ELMO1: variants seen among roughly 807,000 people sequenced by gnomAD.
ELMO1 encodes the protein engulfment and cell motility protein 1.
Under a neutral mutation model 98.9 loss-of-function variants are expected in ELMO1, and 26 were observed. The observed-to-expected ratio is 0.26, with a 90% CI of 0.19 to 0.36. ELMO1 has a LOEUF of 0.36. Among genes scored for constraint, ELMO1 ranks in the 10% least tolerant of loss-of-function variants. ELMO1 has a pLI of 1.00. For missense variants in ELMO1, 627 were observed against 935.2 expected (o/e 0.67, Z 4.30); for synonymous variants, 346 against 346.0 (o/e 1.00, Z 0.00).
At chr7:37,093,477 A>G (rs1010857112) in intron 15 of ELMO1, among the ~76,000 whole-genome samples, 1 of 152,240 alleles carries the variant, frequency 6.6e-6, no homozygotes, top group African/African-American at 2.4e-5. Context: ...TATTAACACA[A>G]ATCTGAGAAG....
intron 1 of ELMO1, among the ~76,000 whole-genome samples, chr7:37,352,128 C>A (rs1801299196): frequency 6.6e-6 from 1 of 152,126 alleles, no homozygotes; most frequent in South Asian, 2.1e-4. Context: ...GAATAAGGTA[C>A]CATTACTAGC....
intron 1 of ELMO1, among the ~76,000 whole-genome samples, chr7:37,400,549 AT>A (rs1279044830): frequency 3.3e-5 from 5 of 152,192 alleles, no homozygotes; most frequent in African/African-American, 1.2e-4. Flanking sequence ...ACCCAAATTA[AT>A]ACTATATCGT....
intron 5 of ELMO1, among the ~76,000 whole-genome samples, chr7:37,269,262 G>GTGAT (rs1163091628): frequency 6.6e-6 from 1 of 152,088 alleles, no homozygotes; most frequent in Non-Finnish European, 1.5e-5. Flanking sequence ...AAACCACAAG[G>GTGAT]TGATTGCTTA....
intron 16 of ELMO1, among the ~76,000 whole-genome samples, chr7:37,010,566 A>G (rs1379477896): frequency 6.6e-6 from 1 of 152,216 alleles, no homozygotes; most frequent in Non-Finnish European, 1.5e-5. Flanking sequence ...TTGAAGATGG[A>G]CAAGAAGGAC....
intron 15 of ELMO1, among the ~76,000 whole-genome samples, chr7:37,015,840 T>C (rs1439661933): frequency 6.6e-6 from 1 of 152,218 alleles, no homozygotes; most frequent in Non-Finnish European, 1.5e-5. Context: ...CCTGTTCACA[T>C]TTCAACAGTT....
At chr7:37,349,633 T>C (rs916760030) in intron 1 of ELMO1, among the ~76,000 whole-genome samples, 1 of 152,160 alleles carries the variant, frequency 6.6e-6, no homozygotes, top group African/African-American at 2.4e-5. Flanking sequence ...TTTGTATTTT[T>C]AGTAGAGATG....
chr7:37,121,934 C>T (rs1239742266), intron 14 of ELMO1, among the ~76,000 whole-genome samples: 1 of 152,232 alleles, frequency 6.6e-6, no homozygotes, highest in Non-Finnish European at 1.5e-5. Flanking sequence ...AACAGCTGAT[C>T]TCTCGGCAGA....
chr7:36,943,082 C>T lies in ELMO1; in HGVS notation c.1438-48065G>A, dbSNP rs1462898078. 2.0e-5 allele frequency among the ~76,000 whole-genome samples: 3 copies of T among 152,192 alleles called. No homozygotes were observed. The East Asian group carries it at 5.8e-4, about 29-fold the overall frequency. ...GAACCTGGGTCCTACCTCAGAGGTG[C>T]TCATGGTGAGGGCTACTGCCTCATT... is the stretch of plus-strand genomic sequence containing the variant. On this transcript the variant is annotated intron_variant, in intron 16 of 21. Coordinates refer to ENST00000310758, the MANE Select transcript of ELMO1 (RefSeq NM_014800.11).
chr7:37,186,384 A>T (rs1003702741), intron 13 of ELMO1, among the ~76,000 whole-genome samples: 3 of 152,216 alleles, frequency 2.0e-5, no homozygotes, highest in African/African-American at 7.2e-5. Context: ...CATCTTCATG[A>T]CCTGGAATTG....
chr7:37,381,547 G>C (rs1399743512), intron 1 of ELMO1, among the ~76,000 whole-genome samples: 1 of 152,206 alleles, frequency 6.6e-6, no homozygotes, highest in African/African-American at 2.4e-5. Context: ...GGCAATCCCA[G>C]AGTACTTACA....
intron 20 of ELMO1, among the ~76,000 whole-genome samples, chr7:36,867,070 C>T (rs1377976214): frequency 6.6e-6 from 1 of 152,118 alleles, no homozygotes. Context: ...TCTTATCCCT[C>T]ATGGCAGACT....
chr7:37,422,843 G>C (rs1462712316), intron 1 of ELMO1, among the ~76,000 whole-genome samples: 1 of 152,138 alleles, frequency 6.6e-6, no homozygotes, highest in Non-Finnish European at 1.5e-5. Flanking sequence ...TCTGGGCTTG[G>C]GGAAAACCAT....
chr7:36,863,322 A>G (rs1358494450), intron 20 of ELMO1, among the ~76,000 whole-genome samples: 2 of 152,240 alleles, frequency 1.3e-5, no homozygotes, highest in Admixed American at 1.3e-4. Context: ...GCAAACAAAC[A>G]AAAACAATTT....
intron 4 of ELMO1, among the ~76,000 whole-genome samples, chr7:37,287,050 A>G (rs1797426278): frequency 6.6e-6 from 1 of 152,018 alleles, no homozygotes; most frequent in South Asian, 2.1e-4. Flanking sequence ...AAAATTAGCC[A>G]GGCGTGGTGG....
At chr7:37,143,466 G>A (rs1204464427) in intron 13 of ELMO1, among the ~76,000 whole-genome samples, 1 of 150,674 alleles carries the variant, frequency 6.6e-6, no homozygotes, top group East Asian at 2.0e-4. Flanking sequence ...GAGTGCAGTG[G>A]TGCAATCTCG....
At chr7:37,115,750 T>TA (rs1785546123) in intron 14 of ELMO1, among the ~76,000 whole-genome samples, 1 of 116,506 alleles carries the variant, frequency 8.6e-6, no homozygotes. Context: ...GCTAGTGCAA[T>TA]AAGAAAAAAA....
At chr7:36,975,780 G>A (rs1790481298) in intron 16 of ELMO1, among the ~76,000 whole-genome samples, 1 of 150,116 alleles carries the variant, frequency 6.7e-6, no homozygotes, top group South Asian at 2.1e-4. Flanking sequence ...CCAGGAGGCA[G>A]AGGTTGCAGT....
intron 1 of ELMO1, among the ~76,000 whole-genome samples, chr7:37,350,432 T>C (rs1801208399): frequency 6.6e-6 from 1 of 152,150 alleles, no homozygotes; most frequent in South Asian, 2.1e-4. Context: ...TCATGAAGGC[T>C]AGGGGACAGC....
At chr7:37,214,606 G>A (rs1278285135) in intron 11 of ELMO1, among the ~76,000 whole-genome samples, 1 of 152,152 alleles carries the variant, frequency 6.6e-6, no homozygotes, top group Non-Finnish European at 1.5e-5. Context: ...ATAGAAGAAA[G>A]AGGACAGGGA....
Sources: allele counts gnomAD v4.1 joint callset (sites outside exome capture counted in the v4.1 genomes callset), GRCh38; gene constraint gnomAD v4.1.1; transcripts MANE v1.5; gene names NCBI Gene and HGNC (gene_info 2026-07-23, HGNC 2026-07-21).